The following AKT3 variants were observed in gnomAD, a reference collection of about 807,000 sequenced individuals.
The protein encoded by AKT3 is RAC-gamma serine/threonine-protein kinase.
A neutral mutation model predicts 65.3 loss-of-function variants in AKT3; 15 were observed. The ratio of observed to expected loss-of-function variants is 0.23; its 90% CI spans 0.15 to 0.35. The LOEUF (loss-of-function observed/expected upper bound fraction) is 0.35, where lower values mean the gene tolerates loss of function less well. Among genes scored for constraint, AKT3 ranks in the 10% least tolerant of loss-of-function variants. AKT3 has a pLI of 1.00. For synonymous variants in AKT3, 206 were observed against 183.8 expected (o/e 1.12, Z -0.98); for missense variants, 243 against 576.5 (o/e 0.42, Z 5.92).
At position 243,843,666 on chromosome 1, in the gene AKT3, T is replaced by G. The variant is rs1041995746; in HGVS notation, c.-112-384A>C. 1.4e-5 allele frequency: 12 copies of G among 837,336 alleles called. 1 individual carries two copies. The highest frequency in any genetic ancestry group is 1.7e-5 in the Non-Finnish European group (12 of 695,260). 51.9% of individuals were successfully genotyped at this position (837,336 alleles called of 1,614,324 possible). A position where few individuals can be genotyped will look rare whatever the true frequency, so the allele number is the denominator to read the frequency against. On this transcript the variant is annotated intron_variant, in intron 1 of 13. Coordinates refer to ENST00000673466, the MANE Select transcript of AKT3 (RefSeq NM_005465.7). ...AATTGTAAATTTTTTGTTTTTTTTTTTTTTGAAACGGAATCTCACTCTGTC... is the reference window on the plus strand; with the variant it reads ...AATTGTAAATTTTTTGTTTTTTTTTGTTTTGAAACGGAATCTCACTCTGTC...
chr1:243,757,475 G>A (rs1009300700), intron 2 of AKT3, among the ~76,000 whole-genome samples: 3 of 152,046 alleles, frequency 2.0e-5, no homozygotes, highest in Non-Finnish European at 2.9e-5. Context: ...AAAATTAGCT[G>A]GGCGTGGTAT....
chr1:243,836,223 T>TA (rs1694880188), intron 2 of AKT3, among the ~76,000 whole-genome samples: 1 of 151,940 alleles, frequency 6.6e-6, no homozygotes, highest in Non-Finnish European at 1.5e-5. Context: ...ACACTAATCA[T>TA]AAAAAATCAG....
intron 4 of AKT3, among the ~76,000 whole-genome samples, chr1:243,659,485 A>T (rs1231080273): frequency 6.6e-6 from 1 of 152,144 alleles, no homozygotes; most frequent in African/African-American, 2.4e-5. Flanking sequence ...AAAATAAGGG[A>T]TATGTTGCTA....
chr1:243,606,950 C>T (rs1677474570), intron 8 of AKT3, among the ~76,000 whole-genome samples: 1 of 152,238 alleles, frequency 6.6e-6, no homozygotes, highest in African/African-American at 2.4e-5. Context: ...GGTGCAAGCC[C>T]CAAGCATTGG....
Position 243,816,976 on chromosome 1 carries a change from G to A in AKT3, c.46+26149C>T, listed in dbSNP as rs183775650. Among the ~76,000 whole-genome samples, 228 of 152,244 alleles carry A rather than the reference G, an allele frequency of 1.5e-3. 2 individuals are homozygous for A. Among genetic ancestry groups the A allele is most frequent in the Non-Finnish European group, 8.8e-4 (60 of 68,030 alleles). On this transcript the variant is annotated intron_variant, in intron 2 of 13. Coordinates refer to ENST00000673466, the MANE Select transcript of AKT3 (RefSeq NM_005465.7). ...ACTTGTTGCACGAGTAAAATGTATT[G>A]GAACAATGATCTGCCACTTCTGCAA...
chr1:243,720,836 CTT>C (rs1202761799), intron 2 of AKT3, among the ~76,000 whole-genome samples: 1 of 152,164 alleles, frequency 6.6e-6, no homozygotes, highest in East Asian at 1.9e-4. Flanking sequence ...GGTATATACT[CTT>C]GAGAAAATAA....
chr1:243,545,464 C>A, intron 12 of AKT3, 46 bp downstream of exon 12: 3 of 1,089,140 alleles, frequency 2.8e-6, no homozygotes, highest in Non-Finnish European at 4.1e-6. Flanking sequence ...TTCATTTTAG[C>A]AGTGCAGCCA....
At chr1:243,654,633 A>G (rs1210972343) in intron 4 of AKT3, among the ~76,000 whole-genome samples, 1 of 152,150 alleles carries the variant, frequency 6.6e-6, no homozygotes, top group African/African-American at 2.4e-5. Context: ...TCAATTTTTT[A>G]CTGAAAATAT....
intron 2 of AKT3, among the ~76,000 whole-genome samples, chr1:243,799,989 C>CT (rs573894271): frequency 0.025 from 3,743 of 150,916 alleles, 111 homozygotes; most frequent in African/African-American, 0.071. Flanking sequence ...CTTAAAGTTC[C>CT]TTTTTTTTTA....
At chr1:243,774,786 G>A (rs9287268) in intron 2 of AKT3, among the ~76,000 whole-genome samples, 137,786 of 152,248 alleles carry the variant, frequency 0.91, 62,566 homozygotes, top group African/African-American at 0.98. Context: ...ATTCACATAA[G>A]GAAAAAACTC....
At chr1:243,585,200 G>A (rs1041997354) in intron 8 of AKT3, among the ~76,000 whole-genome samples, 7 of 151,978 alleles carry the variant, frequency 4.6e-5, no homozygotes, top group African/African-American at 1.7e-4. Context: ...TCATTACAAG[G>A]AGAACTACAA....
intron 8 of AKT3, among the ~76,000 whole-genome samples, chr1:243,611,756 T>C (rs973775551): frequency 6.6e-6 from 1 of 152,138 alleles, no homozygotes; most frequent in Non-Finnish European, 1.5e-5. Flanking sequence ...GACATCTTAC[T>C]GCAAGGGCCC....
rs1676996206 is a variant in AKT3 at position 243,601,465 on chromosome 1, C to T, written c.696+12206G>A. On this transcript the variant is annotated intron_variant, in intron 8 of 13. Transcript: ENST00000673466. ...CAAGTGTGGTGATGTTGTCAAGTAA[C>T]ATCCTGGGAATGCAAAATGGTATGG... 1.3e-5 allele frequency among the ~76,000 whole-genome samples: 2 copies of T among 152,044 alleles called. 1 individual carries two copies. The highest frequency in any genetic ancestry group is 4.1e-4 in the South Asian group (2 of 4,828).
downstream of AKT3, among the ~76,000 whole-genome samples, chr1:243,496,050 T>G (rs902087015): frequency 6.6e-6 from 1 of 152,228 alleles, no homozygotes; most frequent in African/African-American, 2.4e-5. Context: ...TGCCTCATAT[T>G]ACCCAGAGCC....
chr1:243,848,997 C>A (rs1011755940), intron 1 of AKT3, among the ~76,000 whole-genome samples: 3 of 152,186 alleles, frequency 2.0e-5, no homozygotes, highest in Non-Finnish European at 2.9e-5. Context: ...ACAGTAAATA[C>A]CGGTATTGGA....
chr1:243,820,797 T>C (rs1228369744), intron 2 of AKT3, among the ~76,000 whole-genome samples: 1 of 152,124 alleles, frequency 6.6e-6, no homozygotes. Flanking sequence ...GAAGACCAAA[T>C]CTATGACTGA....
At chr1:243,626,647 C>A (rs1452867235) in intron 6 of AKT3, among the ~76,000 whole-genome samples, 1 of 152,150 alleles carries the variant, frequency 6.6e-6, no homozygotes, top group Non-Finnish European at 1.5e-5. Flanking sequence ...AAAAAAGAAA[C>A]CTTCCAGGGG....
At chr1:243,657,991 GAATA>G (rs988072572) in intron 4 of AKT3, among the ~76,000 whole-genome samples, 4 of 151,998 alleles carry the variant, frequency 2.6e-5, no homozygotes, top group Non-Finnish European at 5.9e-5. Flanking sequence ...ATGGATCAAA[GAATA>G]AATATAAGAC....
intron 2 of AKT3, among the ~76,000 whole-genome samples, chr1:243,772,127 A>G (rs1017042205): frequency 1.5e-4 from 23 of 152,190 alleles, no homozygotes; most frequent in Non-Finnish European, 2.9e-4. Flanking sequence ...ACATAGGCAT[A>G]GGCAAAGACT....
Sources: gnomAD v4.1 joint callset for allele counts (sites outside exome capture counted in the v4.1 genomes callset) on GRCh38, gnomAD v4.1.1 for gene constraint, MANE v1.5 for transcripts, NCBI Gene and HGNC (gene_info 2026-07-23, HGNC 2026-07-21) for gene names.